CDHR3: variants seen among roughly 807,000 people sequenced by gnomAD.
CDHR3 encodes the protein cadherin-related family member 3.
Under a neutral mutation model 86.6 loss-of-function variants are expected in CDHR3, and 79 were observed. That is an observed-to-expected ratio of 0.91 (90% CI 0.76 to 1.10). CDHR3 has a LOEUF of 1.10. CDHR3 is among the 50% of genes least tolerant of loss of function. CDHR3 has a pLI of 0.00. For missense variants in CDHR3, 1,081 were observed against 1,077.6 expected, an observed-to-expected ratio of 1.00 and a Z score of -0.04; for synonymous variants, 421 against 402.4, an observed-to-expected ratio of 1.05 and a Z score of -0.55.
chr7:105,975,446 G>T (rs1474045923), intron 2 of CDHR3, among the ~76,000 whole-genome samples: 2 of 152,100 alleles, frequency 1.3e-5, no homozygotes, highest in East Asian at 1.9e-4. Context: ...CTATGAGTCT[G>T]ATTTTTTCAG....
At chr7:106,026,638 CAT>C in intron 15 of CDHR3, 42 bp from the exon 16 acceptor site, 1 of 1,608,960 alleles carries the variant, frequency 6.2e-7, no homozygotes, top group Non-Finnish European at 8.5e-7. Flanking sequence ...GCCAGTGCAG[CAT>C]ACTTTCAAGT....
Position 106,032,373 on chromosome 7 carries a change from T to A in CDHR3, c.2354-20T>A. ...TGGAATTTTCTGGCTTATGTGATTGTTGTATTTTTTTTTCACTAGTGACCG... is the reference window on the plus strand; with the variant it reads ...TGGAATTTTCTGGCTTATGTGATTGATGTATTTTTTTTTCACTAGTGACCG... On this transcript the variant is annotated intron_variant, in intron 18 of 18. Transcript: ENST00000317716. 1 of 1,594,124 alleles carries A rather than the reference T, an allele frequency of 6.3e-7. No homozygotes were observed. The highest frequency in any genetic ancestry group is 1.1e-5 in the South Asian group (1 of 88,590).
chr7:105,976,026 G>A (rs1828759171), intron 2 of CDHR3, among the ~76,000 whole-genome samples: 1 of 152,206 alleles, frequency 6.6e-6, no homozygotes, highest in African/African-American at 2.4e-5. Context: ...TCACCCTGGG[G>A]GAGCCCTCGG....
At chr7:106,027,493 A>T (rs1440516205) in intron 16 of CDHR3, among the ~76,000 whole-genome samples, 1 of 150,522 alleles carries the variant, frequency 6.6e-6, no homozygotes, top group Non-Finnish European at 1.5e-5. Context: ...GAGAAGGGGG[A>T]GATGAGGGTG....
intron 4 of CDHR3, among the ~76,000 whole-genome samples, chr7:105,991,897 G>A (rs997432309): frequency 6.6e-6 from 1 of 152,154 alleles, no homozygotes; most frequent in African/African-American, 2.4e-5. Context: ...ATGATAACCC[G>A]TGGGGCATGC....
intron 2 of CDHR3, 147 bp from the exon 3 acceptor site, chr7:105,980,821 A>G (rs536049756): frequency 1.4e-6 from 1 of 727,600 alleles, no homozygotes; most frequent in Non-Finnish European, 2.3e-6. Flanking sequence ...GGACTAAGGC[A>G]AAACAACTGG....
chr7:106,022,430 C>T lies in CDHR3; in HGVS notation c.2058C>T (p.Ile686=). Residue 686 remains isoleucine (I), a synonymous_variant, in exon 14 of 19, where the codon ATC becomes ATT. Coordinates refer to ENST00000317716, the MANE Select transcript of CDHR3 (RefSeq NM_152750.5). The part of the protein sequence containing the change: ...SIKVIPHPTT[I]ITTTPRPRVT... ...AAGTCATTCCCCACCCAACCACTAT[C>T]ATCACCACGACCCCCAGGGTAAGGG... 1.9e-6 allele frequency: 3 copies of T among 1,613,922 alleles called. No individual in the cohort carries two copies. Among genetic ancestry groups the T allele is most frequent in the South Asian group, 1.1e-5 (1 of 91,072 alleles).
chr7:105,997,386 A>C (rs1430462869), intron 6 of CDHR3, among the ~76,000 whole-genome samples: 1 of 152,048 alleles, frequency 6.6e-6, no homozygotes, highest in South Asian at 2.1e-4. Flanking sequence ...TCCTTTTTCA[A>C]TCCTTGACCC....
At chr7:106,011,881 A>G (rs1274081638) in intron 8 of CDHR3, among the ~76,000 whole-genome samples, 2 of 152,308 alleles carry the variant, frequency 1.3e-5, no homozygotes, top group Non-Finnish European at 1.5e-5. Flanking sequence ...AGACCCCCGA[A>G]TTTGATCATT....
At chr7:105,986,928 T>C (rs746770527) in intron 4 of CDHR3, among the ~76,000 whole-genome samples, 1 of 152,236 alleles carries the variant, frequency 6.6e-6, no homozygotes, top group Non-Finnish European at 1.5e-5. Flanking sequence ...TGATTTCTGA[T>C]ACATGCATAC....
chr7:105,980,867 T>A, intron 2 of CDHR3, 101 bp from the exon 3 acceptor site: 1 of 1,091,534 alleles, frequency 9.2e-7, no homozygotes, highest in Non-Finnish European at 1.3e-6. Flanking sequence ...GTTTCCGGGA[T>A]GCCAGATGCT....
chr7:105,968,317 G>A lies in CDHR3; in HGVS notation c.46+4953G>A, dbSNP rs111905396. ...AAACAACATTTGACAATGCTTTATA[G>A]TTTACTGAGCATATGCATTTTCTTT... On this transcript the variant is annotated intron_variant, in intron 1 of 18. Transcript: ENST00000317716. 5.8e-3 allele frequency among the ~76,000 whole-genome samples: 888 copies of A among 152,074 alleles called. 13 individuals carry two copies. Among genetic ancestry groups the A allele is most frequent in the African/African-American group, 0.02 (847 of 41,494 alleles).
intron 1 of CDHR3, among the ~76,000 whole-genome samples, 176 bp downstream of exon 1, chr7:105,963,540 G>T (rs974616866): frequency 6.6e-6 from 1 of 152,188 alleles, no homozygotes. Flanking sequence ...GACCAGGTAG[G>T]AGCCCTGGAA....
chr7:105,999,688 G>A (rs1204419330), intron 6 of CDHR3, among the ~76,000 whole-genome samples: 1 of 152,224 alleles, frequency 6.6e-6, no homozygotes, highest in East Asian at 1.9e-4. Flanking sequence ...GAGGCTGGGA[G>A]CCTGTGGTTG....
intron 15 of CDHR3, among the ~76,000 whole-genome samples, chr7:106,026,405 T>C (rs1377946074): frequency 6.6e-6 from 1 of 152,216 alleles, no homozygotes; most frequent in East Asian, 1.9e-4. Flanking sequence ...GGTTTTCTCA[T>C]CAGAAACAAT....
intron 16 of CDHR3, 87 bp from the exon 17 acceptor site, chr7:106,028,464 T>A: frequency 7.1e-7 from 1 of 1,408,744 alleles, no homozygotes; most frequent in Non-Finnish European, 1.0e-6. Flanking sequence ...CGAAGCCTAT[T>A]TAGGGGAAAT....
chr7:106,007,779 G>A (rs1213939460), intron 8 of CDHR3, among the ~76,000 whole-genome samples: 1 of 152,140 alleles, frequency 6.6e-6, no homozygotes, highest in African/African-American at 2.4e-5. Flanking sequence ...TCCAACCCCT[G>A]CCTGTTACCC....
rs1838105348 is a variant in CDHR3 at position 106,030,134 on chromosome 7, G to A, written c.2305-658G>A. On this transcript the variant is annotated intron_variant, in intron 17 of 18. Transcript: ENST00000317716. This position sits in a 1 kb window ranked among gnomAD's most constrained non-coding sequence, Gnocchi z 4.8. ...AGTGACCCTGACTTTGGCACCTCTA[G>A]AGGGCAGCATGTGAGGGAAGGGGGT... Among the ~76,000 whole-genome samples the A allele has an allele frequency of 6.6e-6, 1 of 152,224 alleles. No homozygotes were observed. The highest frequency in any genetic ancestry group is 1.9e-4 in the East Asian group (1 of 5,194).
chr7:106,027,512 G>A (rs1192275950), intron 16 of CDHR3: 1 of 266,246 alleles, frequency 3.8e-6, no homozygotes, highest in Admixed American at 4.4e-5. Flanking sequence ...TGGTGAGATG[G>A]GCTGAGAGCT....
Sources: gnomAD v4.1 joint callset for allele counts (sites outside exome capture counted in the v4.1 genomes callset) on GRCh38, gnomAD v4.1.1 for gene constraint, Gnocchi (gnomAD v3.1) non-coding constraint, MANE v1.5 for transcripts, NCBI Gene and HGNC (gene_info 2026-07-23, HGNC 2026-07-21) for gene names.